VAPA: variants seen among roughly 807,000 people sequenced by gnomAD.
The protein encoded by VAPA is vesicle-associated membrane protein-associated protein A.
VAPA carries 6 observed loss-of-function variants against 25.6 expected under a neutral mutation model. That is an observed-to-expected ratio of 0.23 (90% confidence interval 0.13 to 0.46). VAPA has a LOEUF of 0.46. Among genes scored for constraint, VAPA ranks in the 20% least tolerant of loss-of-function variants. The pLI is 0.99. For synonymous variants in VAPA, 112 were observed against 106.2 expected (o/e 1.05, Z -0.34); for missense variants, 244 against 302.1 (o/e 0.81, Z 1.43).
chr18:9,942,403 G>A (rs763049383), intron 4 of VAPA, among the ~76,000 whole-genome samples: 3 of 152,132 alleles, frequency 2.0e-5, no homozygotes, highest in Non-Finnish European at 4.4e-5. Context: ...AAATATTGTA[G>A]AGATAACAAG....
At chr18:9,923,553 A>G (rs2069174886) in intron 1 of VAPA, among the ~76,000 whole-genome samples, 1 of 152,178 alleles carries the variant, frequency 6.6e-6, no homozygotes, top group South Asian at 2.1e-4. Context: ...ATATGTATAT[A>G]ATTTTAATTC....
chr18:9,945,372 T>C (rs1017026159), intron 4 of VAPA, among the ~76,000 whole-genome samples: 1 of 137,472 alleles, frequency 7.3e-6, no homozygotes, highest in African/African-American at 2.7e-5. Context: ...TTTTTTTTTT[T>C]TTTTTTGAGA....
At chr18:9,950,631 T>C in intron 5 of VAPA, 63 bp downstream of exon 5, 2 of 1,537,524 alleles carry the variant, frequency 1.3e-6, no homozygotes, top group Non-Finnish European at 1.7e-6. Flanking sequence ...TGAGTGTTAT[T>C]AGGCCATTTT....
chr18:9,943,151 C>G (rs2143396780), intron 4 of VAPA, among the ~76,000 whole-genome samples: 1 of 152,114 alleles, frequency 6.6e-6, no homozygotes, highest in African/African-American at 2.4e-5. Flanking sequence ...AAAAATGGAG[C>G]CAGCTTTAGA....
In VAPA at chr18:9,914,204, C is replaced by T; in HGVS notation, c.-53C>T. On this transcript the variant is annotated 5_prime_UTR_variant, in exon 1 of 6. Transcript: ENST00000400000. ...CCGTCGCCGCCGTCGTCCCCCGCCCCCAGTCAGCAAACCGCCGCCGCGGGC... is the reference window on the plus strand; with the variant it reads ...CCGTCGCCGCCGTCGTCCCCCGCCCTCAGTCAGCAAACCGCCGCCGCGGGC... 1 of 1,509,954 alleles carries T rather than the reference C, an allele frequency of 6.6e-7. No individual in the cohort carries two copies. The highest frequency in any genetic ancestry group is 8.9e-7 in the Non-Finnish European group (1 of 1,117,588). The allele number at this position is 1,509,954 out of a possible 1,614,324, so 93.5% of individuals were successfully genotyped here.
At chr18:9,918,612 T>TC (rs1197755553) in intron 1 of VAPA, among the ~76,000 whole-genome samples, 2 of 152,240 alleles carry the variant, frequency 1.3e-5, no homozygotes, top group African/African-American at 4.8e-5. Context: ...TGTGGCATTT[T>TC]CCTCAAATGC....
In VAPA at chr18:9,957,730, T is replaced by A. The variant is rs1468060564; in HGVS notation, c.*3519T>A. 1 of 152,234 alleles carries A rather than the reference T, an allele frequency of 6.6e-6. No homozygotes were observed. Among genetic ancestry groups the A allele is most frequent in the African/African-American group, 2.4e-5 (1 of 41,472 alleles). 9.4% of individuals were successfully genotyped at this position (152,234 alleles called of 1,614,324 possible). On this transcript the variant is annotated 3_prime_UTR_variant, in exon 6 of 6. Transcript: ENST00000400000. ...TCCTTTTCACAATACAAAAAAAATT[T>A]CAACAGATTGTGTGGTTTGTGCATT...
At chr18:9,937,197 G>A in intron 4 of VAPA, 131 bp downstream of exon 4, 1 of 239,634 alleles carries the variant, frequency 4.2e-6, no homozygotes, top group Non-Finnish European at 7.5e-6. Context: ...CAGTGGTTAA[G>A]TTTTAAAAAA....
intron 1 of VAPA, among the ~76,000 whole-genome samples, chr18:9,922,816 C>A (rs2069168354): frequency 6.6e-6 from 1 of 152,102 alleles, no homozygotes; most frequent in African/African-American, 2.4e-5. Flanking sequence ...AGTTATACTT[C>A]ATTTCCTGTG....
At chr18:9,932,035 G>A in intron 2 of VAPA, 73 bp downstream of exon 2, 1 of 1,116,290 alleles carries the variant, frequency 9.0e-7, no homozygotes, top group Non-Finnish European at 1.3e-6. Flanking sequence ...GTTTAATAAG[G>A]TTTCATCTGG....
chr18:9,930,801 C>G (rs575366551), intron 1 of VAPA, among the ~76,000 whole-genome samples: 1 of 151,670 alleles, frequency 6.6e-6, no homozygotes, highest in East Asian at 1.9e-4. Flanking sequence ...TCATTTTTAT[C>G]TCCTTCCTCT....
chr18:9,946,070 A>G (rs911455078), intron 4 of VAPA, among the ~76,000 whole-genome samples: 2 of 152,064 alleles, frequency 1.3e-5, no homozygotes, highest in African/African-American at 2.4e-5. Context: ...TTTTTCTTGT[A>G]TTTCCAATTC....
At chr18:9,920,220 A>G (rs527608930) in intron 1 of VAPA, among the ~76,000 whole-genome samples, 1 of 152,300 alleles carries the variant, frequency 6.6e-6, no homozygotes, top group East Asian at 1.9e-4. Flanking sequence ...TACTTAAGAA[A>G]AGGTCTGGGC....
chr18:9,943,629 T>G (rs1369834379), intron 4 of VAPA, among the ~76,000 whole-genome samples: 1 of 152,178 alleles, frequency 6.6e-6, no homozygotes, highest in Non-Finnish European at 1.5e-5. Context: ...GATTGTCAGC[T>G]CTGTATATAC....
chr18:9,957,213 G>T lies in VAPA; in HGVS notation c.*3002G>T, dbSNP rs1286878436. The T allele has an allele frequency of 6.6e-6, 1 of 151,966 alleles. No homozygotes were observed. Among genetic ancestry groups the T allele is most frequent in the Non-Finnish European group, 1.5e-5 (1 of 67,996 alleles). 9.4% of individuals were successfully genotyped at this position (151,966 alleles called of 1,614,324 possible). On this transcript the variant is annotated 3_prime_UTR_variant, in exon 6 of 6. Coordinates refer to ENST00000400000, the MANE Select transcript of VAPA (RefSeq NM_194434.3). ...AGCCCGGCTAATTTTTGTATTTTTAGTAGAGACAAGGTTTCACCATGTTGG... is the reference window on the plus strand; with the variant it reads ...AGCCCGGCTAATTTTTGTATTTTTATTAGAGACAAGGTTTCACCATGTTGG...
chr18:9,945,009 C>T (rs754530381), intron 4 of VAPA: 21 of 1,613,946 alleles, frequency 1.3e-5, no homozygotes, highest in South Asian at 9.9e-5. Flanking sequence ...AGTTATCACA[C>T]GAAGGATGAC....
chr18:9,952,564 C>CA (rs58664560), intron 5 of VAPA, among the ~76,000 whole-genome samples: 10,975 of 109,644 alleles, frequency 0.1, 980 homozygotes, highest in African/African-American at 0.27. Context: ...AACATCGTCT[C>CA]AAAAAAAAAA....
chr18:9,915,261 C>T (rs1324901152), intron 1 of VAPA, among the ~76,000 whole-genome samples: 3 of 152,132 alleles, frequency 2.0e-5, no homozygotes, highest in Non-Finnish European at 2.9e-5. Flanking sequence ...TCCGACAGAT[C>T]CTGAGAAGGC....
At chr18:9,930,943 A>T (rs1481736657) in intron 1 of VAPA, among the ~76,000 whole-genome samples, 1 of 152,160 alleles carries the variant, frequency 6.6e-6, no homozygotes, top group Non-Finnish European at 1.5e-5. Context: ...ATTTTAAAAG[A>T]CATGCTTATT....
Sources: gnomAD v4.1 joint callset for allele counts (sites outside exome capture counted in the v4.1 genomes callset) on GRCh38, gnomAD v4.1.1 for gene constraint, MANE v1.5 for transcripts, NCBI Gene and HGNC (gene_info 2026-07-23, HGNC 2026-07-21) for gene names.